Variants in LONP2 observed in about 807,000 individuals in gnomAD.
The protein encoded by LONP2 is lon peptidase 2, peroxisomal.
A neutral mutation model predicts 85.6 loss-of-function variants in LONP2; 60 were observed. The observed-to-expected ratio is 0.70, with a 90% CI of 0.57 to 0.87. LONP2 has a LOEUF of 0.87. Among genes scored for constraint, LONP2 ranks in the 40% least tolerant of loss-of-function variants. The probability of loss-of-function intolerance (pLI) is 0.00; values close to 1 mark genes in which losing one functional copy is unlikely to be tolerated. For synonymous variants in LONP2, 395 were observed against 389.7 expected, an observed-to-expected ratio of 1.01 and a Z score of -0.16; for missense variants, 860 against 1,063.5, an observed-to-expected ratio of 0.81 and a Z score of 2.66.
chr16:48,327,436 CA>C (rs1959272850), intron 11 of LONP2, among the ~76,000 whole-genome samples: 1 of 152,074 alleles, frequency 6.6e-6, no homozygotes, highest in South Asian at 2.1e-4. Context: ...TGTTTAACAG[CA>C]CTTTATTACT....
At chr16:48,333,365 A>G (rs1357133955) in intron 11 of LONP2, among the ~76,000 whole-genome samples, 1 of 152,220 alleles carries the variant, frequency 6.6e-6, no homozygotes, top group Non-Finnish European at 1.5e-5. Context: ...ATTTCAAACC[A>G]GGCTTTGTAT....
In LONP2 at chr16:48,244,507, A is replaced by T; in HGVS notation, c.119A>T (p.Gln40Leu). 1 of 1,594,734 alleles carries T rather than the reference A, an allele frequency of 6.3e-7. No homozygotes were observed. The change falls in exon 1 of 15, where the codon CAG (glutamine) becomes CTG (leucine). Residue 40 changes from glutamine to leucine, a missense_variant. Around this residue, in one of 3 missense-constraint regions of LONP2, gnomAD observed 743 missense variants for 917.3 expected, o/e 0.81. Coordinates refer to ENST00000285737, the MANE Select transcript of LONP2 (RefSeq NM_031490.5). ...AGCGTGGACTCGGCCCGCAACCTGC[A>T]GCTGGTGCGGAGCCGCCTTCTGAAG... ...RTSVDSARNL[Q>L]LVRSRLLKGT... is the part of the protein sequence containing the mutation.
At chr16:48,269,962 C>T in intron 6 of LONP2, 54 bp from the exon 7 acceptor site, 2 of 1,551,560 alleles carry the variant, frequency 1.3e-6, no homozygotes, top group Non-Finnish European at 1.7e-6. Flanking sequence ...GAAAGGAGTT[C>T]TTTAACTTAA....
At chr16:48,350,970 C>T (rs1183333045) in intron 14 of LONP2, among the ~76,000 whole-genome samples, 3 of 152,146 alleles carry the variant, frequency 2.0e-5, no homozygotes, top group African/African-American at 4.8e-5. Flanking sequence ...CAGCAGCTCT[C>T]GTTTTTTGTG....
chr16:48,320,685 T>A (rs1049403572), intron 11 of LONP2, among the ~76,000 whole-genome samples: 11 of 152,194 alleles, frequency 7.2e-5, no homozygotes, highest in Middle Eastern at 3.2e-3. Flanking sequence ...GCCAATATCA[T>A]GAAGATATAC....
chr16:48,330,279 A>C, intron 11 of LONP2, among the ~76,000 whole-genome samples: 1 of 152,388 alleles, frequency 6.6e-6, no homozygotes, highest in East Asian at 1.9e-4. Context: ...ATAAGAAGAA[A>C]ACTGCACAAT....
chr16:48,302,916 G>A (rs1234823241), intron 10 of LONP2, among the ~76,000 whole-genome samples: 1 of 152,146 alleles, frequency 6.6e-6, no homozygotes, highest in Non-Finnish European at 1.5e-5. Context: ...AATTGAACTA[G>A]AACTAGGGTT....
intron 7 of LONP2, among the ~76,000 whole-genome samples, chr16:48,276,402 A>G (rs538508888): frequency 2.6e-5 from 4 of 152,016 alleles, no homozygotes; most frequent in Non-Finnish European, 5.9e-5. Flanking sequence ...GTCATTGATC[A>G]TTTTCTTCTC....
chr16:48,347,719 G>A lies in LONP2; in HGVS notation c.2146+5G>A. ...AGAAGTACCAGCTGACCAATGGTAG[G>A]AGCCTGCACCCGGCCAGGCAGGCGT... On this transcript the variant is annotated splice_donor_5th_base_variant and intron_variant, in intron 13 of 14. Coordinates refer to ENST00000285737, the MANE Select transcript of LONP2 (RefSeq NM_031490.5). 1 of 1,610,736 alleles carries A rather than the reference G, an allele frequency of 6.2e-7. No homozygotes were observed. The highest frequency in any genetic ancestry group is 8.5e-7 in the Non-Finnish European group (1 of 1,178,894).
intron 8 of LONP2, among the ~76,000 whole-genome samples, chr16:48,294,763 A>G (rs1196660098): frequency 6.6e-6 from 1 of 152,182 alleles, no homozygotes; most frequent in African/African-American, 2.4e-5. Context: ...AAAACAAAAA[A>G]CTAACTTTGG....
At chr16:48,271,561 C>T (rs1184985187) in intron 7 of LONP2, among the ~76,000 whole-genome samples, 3 of 152,016 alleles carry the variant, frequency 2.0e-5, no homozygotes, top group African/African-American at 7.2e-5. Context: ...CTTTTATTTG[C>T]TCACTTAAAA....
chr16:48,334,876 A>G, intron 12 of LONP2: 1 of 438,648 alleles, frequency 2.3e-6, no homozygotes, highest in Non-Finnish European at 4.6e-6. Flanking sequence ...CAGCTTGGCC[A>G]GTCTCACTCC....
At chr16:48,358,876 T>TAC (rs1960470433), downstream of LONP2, among the ~76,000 whole-genome samples, 1 of 152,212 alleles carries the variant, frequency 6.6e-6, no homozygotes, top group Non-Finnish European at 1.5e-5. Flanking sequence ...CAGTTAAGAT[T>TAC]ACACATCTCA....
At chr16:48,343,785 A>G (rs187728232) in intron 12 of LONP2, 13 of 152,318 alleles carry the variant, frequency 8.5e-5, no homozygotes, top group African/African-American at 2.9e-4. Context: ...TAATCTGCAT[A>G]TTTACCTTAT....
At chr16:48,265,888 A>C (rs1971979192) in intron 6 of LONP2, among the ~76,000 whole-genome samples, 1 of 152,086 alleles carries the variant, frequency 6.6e-6, no homozygotes, top group Non-Finnish European at 1.5e-5. Context: ...GACTTATTTC[A>C]TCAGTGTTTT....
At chr16:48,318,875 G>A (rs1973201731) in intron 11 of LONP2, among the ~76,000 whole-genome samples, 1 of 152,148 alleles carries the variant, frequency 6.6e-6, no homozygotes, top group Non-Finnish European at 1.5e-5. Context: ...GACTTTGCAA[G>A]CCCTAAGCAT....
chr16:48,257,424 A>C (rs1268419535), intron 3 of LONP2, among the ~76,000 whole-genome samples: 1 of 152,124 alleles, frequency 6.6e-6, no homozygotes, highest in Non-Finnish European at 1.5e-5. Context: ...CTTTCTTAGA[A>C]TCTTCATCAT....
intron 2 of LONP2, among the ~76,000 whole-genome samples, 168 bp downstream of exon 2, chr16:48,252,533 A>G (rs1352063718): frequency 1.3e-5 from 2 of 152,222 alleles, no homozygotes; most frequent in Admixed American, 1.3e-4. Flanking sequence ...TTGTACCTAA[A>G]TCATTCCAGG....
chr16:48,360,692 AAT>A (rs1322631025), downstream of LONP2: 1 of 152,674 alleles, frequency 6.5e-6, no homozygotes, highest in Non-Finnish European at 1.5e-5. Flanking sequence ...CAAATTTTAA[AAT>A]ATGTGATTTG....
Sources: gnomAD v4.1 joint callset for allele counts (sites outside exome capture counted in the v4.1 genomes callset) on GRCh38, gnomAD v4.1.1 for gene constraint, gnomAD v4.1.1 regional missense constraint, MANE v1.5 for transcripts, NCBI Gene and HGNC (gene_info 2026-07-23, HGNC 2026-07-21) for gene names.